Variants in ZNF280B observed in about 807,000 individuals in gnomAD.
ZNF280B encodes the protein suppressor of hairy wing homolog 2.
A neutral mutation model predicts 38.0 loss-of-function variants in ZNF280B; 16 were observed. The ratio of observed to expected loss-of-function variants is 0.42; its 90% CI spans 0.28 to 0.64. The LOEUF (loss-of-function observed/expected upper bound fraction) is 0.64. Among genes scored for constraint, ZNF280B ranks in the 30% least tolerant of loss-of-function variants. The pLI is 0.21. For synonymous variants in ZNF280B, 253 were observed against 230.6 expected, an observed-to-expected ratio of 1.10 and a Z score of -0.88; for missense variants, 581 against 639.6, an observed-to-expected ratio of 0.91 and a Z score of 0.99.
Position 22,487,507 on chromosome 22 carries a change from TTCTC to T in ZNF280B, c.*256_*259del, listed in dbSNP as rs893984101. ...ATTAAAAAAATAAATTAATACCTTT[TTCTC>T]TCTCTCACACACACACACAAACACC... On this transcript the variant is annotated 3_prime_UTR_variant, in exon 4 of 4. Transcript: ENST00000626650. 1.6e-5 allele frequency: 5 copies of T among 307,164 alleles called. No individual in the cohort carries two copies. The highest frequency in any genetic ancestry group is 3.8e-4 in the South Asian group (2 of 5,246). The allele number at this position is 307,164 out of a possible 1,614,324, so 19.0% of individuals were successfully genotyped here.
intron 2 of ZNF280B, among the ~76,000 whole-genome samples, chr22:22,498,964 A>AT (rs1302411732): frequency 1.3e-5 from 2 of 150,976 alleles, no homozygotes; most frequent in Non-Finnish European, 2.9e-5. Flanking sequence ...CGCCCAGCTA[A>AT]TTTTTTTGTA....
chr22:22,499,190 GATTT>G (rs1212616833), intron 2 of ZNF280B, among the ~76,000 whole-genome samples: 1 of 151,718 alleles, frequency 6.6e-6, no homozygotes, highest in Non-Finnish European at 1.5e-5. Context: ...GACCAAGTGG[GATTT>G]ATTTAAAAAA....
chr22:22,493,430 G>A (rs1569178050), intron 3 of ZNF280B, among the ~76,000 whole-genome samples: 1 of 151,994 alleles, frequency 6.6e-6, no homozygotes, highest in Admixed American at 6.6e-5. Context: ...TGCTCTTTCT[G>A]CTAAAACTGA....
Position 22,487,504 on chromosome 22 carries a change from T to C in ZNF280B, c.*263A>G. On this transcript the variant is annotated 3_prime_UTR_variant, in exon 4 of 4. Transcript: ENST00000626650. ...AAAATTAAAAAAATAAATTAATACC[T>C]TTTTCTCTCTCTCACACACACACAC... 4.1e-6 allele frequency: 1 copy of C among 243,084 alleles called. No individual in the cohort carries two copies. The highest frequency in any genetic ancestry group is 7.0e-6 in the Non-Finnish European group (1 of 143,646). The allele number at this position is 243,084 out of a possible 1,614,324, so 15.1% of individuals were successfully genotyped here.
chr22:22,506,713 G>C (rs1237499999), intron 2 of ZNF280B, among the ~76,000 whole-genome samples: 1 of 151,910 alleles, frequency 6.6e-6, no homozygotes, highest in Non-Finnish European at 1.5e-5. Context: ...CCTAGACAAA[G>C]AGAAGTCTTG....
intron 3 of ZNF280B, among the ~76,000 whole-genome samples, chr22:22,493,040 T>C (rs1027380597): frequency 1.3e-5 from 2 of 151,936 alleles, no homozygotes; most frequent in African/African-American, 4.8e-5. Context: ...AGACGGAGTC[T>C]TGCTTTGTCA....
At chr22:22,500,365 T>TCA in intron 2 of ZNF280B, among the ~76,000 whole-genome samples, 1 of 149,758 alleles carries the variant, frequency 6.7e-6, no homozygotes, top group East Asian at 2.0e-4. Context: ...AAACAAAATA[T>TCA]TATATATATA....
At chr22:22,500,850 ACT>A (rs2061802202) in intron 2 of ZNF280B, among the ~76,000 whole-genome samples, 1 of 150,442 alleles carries the variant, frequency 6.6e-6, no homozygotes, top group Non-Finnish European at 1.5e-5. Flanking sequence ...CAAGAGAGAA[ACT>A]CTGTTTCAAA....
chr22:22,497,752 G>A lies in ZNF280B; in HGVS notation c.-186-3572C>T, dbSNP rs544563969. On this transcript the variant is annotated intron_variant, in intron 2 of 3. Transcript: ENST00000626650. ...CACTAGCAAAAACTACAAAAATCAC[G>A]TTTTTCAGATCCTGGAAATTAACGA... Among the ~76,000 whole-genome samples, 11 of 151,958 alleles carry A rather than the reference G, an allele frequency of 7.2e-5. No homozygotes were observed. In the South Asian group the frequency reaches 1.7e-3, roughly 23 times the overall value.
chr22:22,489,472 T>C lies in ZNF280B; in HGVS notation c.-68-6A>G, dbSNP rs1196213944. ...TCCTTTATATAAACTGCCACCTAAG[T>C]ACAAACATACATCAGTAAGTACAGG... is the stretch of plus-strand genomic sequence containing the variant. On this transcript the variant is annotated splice_region_variant and splice_polypyrimidine_tract_variant and intron_variant, in intron 3 of 3. Coordinates refer to ENST00000626650, the MANE Select transcript of ZNF280B (RefSeq NM_080764.4). The C allele has an allele frequency of 1.3e-5, 16 of 1,272,568 alleles. No homozygotes were observed. The highest frequency in any genetic ancestry group is 1.5e-5 in the Non-Finnish European group (14 of 919,524). The allele number at this position is 1,272,568 out of a possible 1,614,324, so 78.8% of individuals were successfully genotyped here.
chr22:22,496,826 T>A (rs1230123945), intron 2 of ZNF280B, among the ~76,000 whole-genome samples: 1 of 150,582 alleles, frequency 6.6e-6, no homozygotes, highest in Admixed American at 6.6e-5. Flanking sequence ...TCTTTTTTTT[T>A]TTTTTTTTGA....
rs763423091 is a variant in ZNF280B, at chr22:22,487,997, G to C, written c.1402C>G (p.Gln468Glu). Residue 468 changes from glutamine to glutamate, a missense_variant, in exon 4 of 4, where the codon CAG becomes GAG. Gln to Glu is a conservative substitution (Grantham distance 29). Coordinates refer to ENST00000626650, the MANE Select transcript of ZNF280B (RefSeq NM_080764.4). ...ATTTTCTCCTTGAAAGTTAAAAACT[G>C]TAGCCGGCACTTGGAACACTGGTGT... ...SAHQCSKCRL[Q>E]FLTFKEKMEH... 1.2e-6 allele frequency: 2 copies of C among 1,613,756 alleles called. No individual in the cohort carries two copies. The highest frequency in any genetic ancestry group is 1.7e-6 in the Non-Finnish European group (2 of 1,179,944).
At chr22:22,496,105 C>CTTTT (rs34586676) in intron 2 of ZNF280B, among the ~76,000 whole-genome samples, 2 of 114,690 alleles carry the variant, frequency 1.7e-5, no homozygotes, top group Admixed American at 9.1e-5. Context: ...TGCGCCTGGC[C>CTTTT]TTTTTTTTTT....
chr22:22,502,691 T>C (rs745872055), intron 2 of ZNF280B, among the ~76,000 whole-genome samples: 24 of 152,000 alleles, frequency 1.6e-4, no homozygotes, highest in Non-Finnish European at 3.1e-4. Flanking sequence ...ATTTTATTAT[T>C]TTACTTATAC....
At chr22:22,503,845 T>A (rs1421380569) in intron 2 of ZNF280B, among the ~76,000 whole-genome samples, 1 of 151,934 alleles carries the variant, frequency 6.6e-6, no homozygotes, top group Admixed American at 6.6e-5. Context: ...TGAAAAGCTG[T>A]GAGAGCATAT....
At chr22:22,501,688 A>AGG (rs1353236668) in intron 2 of ZNF280B, among the ~76,000 whole-genome samples, 1 of 151,176 alleles carries the variant, frequency 6.6e-6, no homozygotes. Flanking sequence ...GATCAGTCCA[A>AGG]GCAATGTAGT....
chr22:22,497,456 G>A (rs2061725174), intron 2 of ZNF280B, among the ~76,000 whole-genome samples: 2 of 151,612 alleles, frequency 1.3e-5, no homozygotes, highest in African/African-American at 2.4e-5. Flanking sequence ...AATTGAACCC[G>A]GGAGGCGGAG....
intron 2 of ZNF280B, among the ~76,000 whole-genome samples, chr22:22,496,012 G>C (rs143197787): frequency 0.022 from 3,387 of 151,030 alleles, 60 homozygotes; most frequent in Middle Eastern, 0.099. Flanking sequence ...CACCATGTTG[G>C]CCAGGCTGGT....
intron 2 of ZNF280B, among the ~76,000 whole-genome samples, chr22:22,504,285 T>A (rs2061887417): frequency 6.6e-6 from 1 of 151,414 alleles, no homozygotes; most frequent in Non-Finnish European, 1.5e-5. Context: ...TACAAAAACT[T>A]AGCTGAGCGT....
Sources: allele counts gnomAD v4.1 joint callset (sites outside exome capture counted in the v4.1 genomes callset), GRCh38; gene constraint gnomAD v4.1.1; transcripts MANE v1.5; gene names NCBI Gene and HGNC (gene_info 2026-07-23, HGNC 2026-07-21).